FAP: variants seen among roughly 807,000 people sequenced by gnomAD.
The protein encoded by FAP is prolyl endopeptidase FAP.
Under a neutral mutation model 126.5 loss-of-function variants are expected in FAP, and 110 were observed. The observed-to-expected ratio is 0.87, with a 90% CI of 0.74 to 1.02. The LOEUF (loss-of-function observed/expected upper bound fraction) is 1.02, where lower values mean the gene tolerates loss of function less well. Among genes scored for constraint, FAP ranks in the 50% least tolerant of loss-of-function variants. The probability of loss-of-function intolerance (pLI) is 0.00; values close to 1 mark genes in which losing one functional copy is unlikely to be tolerated. For synonymous variants in FAP, 334 were observed against 297.3 expected, an observed-to-expected ratio of 1.12 and a Z score of -1.27; for missense variants, 919 against 909.2, an observed-to-expected ratio of 1.01 and a Z score of -0.14.
intron 12 of FAP, among the ~76,000 whole-genome samples, chr2:162,203,980 A>G (rs1436345087): frequency 1.3e-5 from 2 of 152,128 alleles, no homozygotes; most frequent in African/African-American, 4.8e-5. Context: ...TTTTTTCCCC[A>G]TTGGTCATTG....
intron 5 of FAP, 86 bp downstream of exon 5, chr2:162,224,380 A>G (rs142444527): frequency 2.7e-6 from 2 of 754,160 alleles, no homozygotes; most frequent in East Asian, 2.6e-5. Flanking sequence ...ATAAAGACAG[A>G]CTCTTGCTTT....
intron 21 of FAP, 118 bp from the exon 22 acceptor site, chr2:162,175,084 G>A (rs372081937): frequency 1.5e-6 from 1 of 656,932 alleles, no homozygotes; most frequent in East Asian, 2.9e-5. Flanking sequence ...ATGGCTAAGG[G>A]TGGATTACAT....
At position 162,173,175 on chromosome 2, in the gene FAP, T is replaced by C; in HGVS notation, c.2081A>G (p.Tyr694Cys). 1 of 1,613,166 alleles carries C rather than the reference T, an allele frequency of 6.2e-7. No homozygotes were observed. The highest frequency in any genetic ancestry group is 8.5e-7 in the Non-Finnish European group (1 of 1,179,282). The change falls in exon 24 of 26, where the codon TAT (tyrosine) becomes TGT (cysteine). Residue 694 changes from tyrosine (Y) to cysteine (C), a missense_variant. By Grantham distance (194) the Tyr-to-Cys change is radical. Coordinates refer to ENST00000188790, the MANE Select transcript of FAP (RefSeq NM_004460.5). ...ARAEYFRNVDYLLIHGTADDN... is the reference protein window; with the variant it reads ...ARAEYFRNVDCLLIHGTADDN... ...ATCTGCTGTTCCGTGGATGAGAAGATAGTCTACATTTCTGAAATATTCTGC... is the reference window on the plus strand; with the variant it reads ...ATCTGCTGTTCCGTGGATGAGAAGACAGTCTACATTTCTGAAATATTCTGC...
intron 23 of FAP, 114 bp from the exon 24 acceptor site, chr2:162,173,335 T>C (rs547446325): frequency 4.0e-6 from 3 of 752,096 alleles, no homozygotes; most frequent in Non-Finnish European, 4.7e-6. Flanking sequence ...TTGCTTTGCT[T>C]GATAAATATT....
At chr2:162,173,608 AGAT>A (rs1236552305) in intron 23 of FAP, 112 bp downstream of exon 23, 3 of 741,696 alleles carry the variant, frequency 4.0e-6, no homozygotes, top group Non-Finnish European at 7.1e-6. Flanking sequence ...AATTAACAAA[AGAT>A]GATATTTGCT....
chr2:162,215,249 G>T (rs911414774), intron 10 of FAP, among the ~76,000 whole-genome samples: 1 of 152,154 alleles, frequency 6.6e-6, no homozygotes, highest in Non-Finnish European at 1.5e-5. Flanking sequence ...AGATTGGCCC[G>T]CTAGGCATGG....
At chr2:162,185,071 C>A (rs913031855) in intron 20 of FAP, among the ~76,000 whole-genome samples, 2 of 152,116 alleles carry the variant, frequency 1.3e-5, no homozygotes, top group African/African-American at 4.8e-5. Context: ...ACTTCCAGAC[C>A]AACGAGGCAC....
At chr2:162,185,250 A>G (rs373709925) in intron 20 of FAP, among the ~76,000 whole-genome samples, 26 of 152,220 alleles carry the variant, frequency 1.7e-4, no homozygotes, top group African/African-American at 5.8e-4. Context: ...GCCCAAGGCC[A>G]AGGTAAACTT....
At chr2:162,228,615 T>C (rs1689760649) in intron 2 of FAP, among the ~76,000 whole-genome samples, 1 of 152,182 alleles carries the variant, frequency 6.6e-6, no homozygotes, top group Admixed American at 6.5e-5. Context: ...TGTTATTCTA[T>C]TTTTTAAATA....
intron 2 of FAP, among the ~76,000 whole-genome samples, chr2:162,231,129 G>T (rs1335917845): frequency 1.3e-5 from 2 of 152,160 alleles, no homozygotes; most frequent in Non-Finnish European, 2.9e-5. Context: ...AAGGCAAGGG[G>T]ACTGATTCTA....
At chr2:162,188,451 C>A in intron 19 of FAP, 88 bp from the exon 20 acceptor site, 1 of 1,097,590 alleles carries the variant, frequency 9.1e-7, no homozygotes, top group Non-Finnish European at 1.3e-6. Flanking sequence ...TCTAGTAATT[C>A]CAGTACAATT....
intron 2 of FAP, among the ~76,000 whole-genome samples, chr2:162,232,741 T>C (rs1271303979): frequency 6.6e-6 from 1 of 152,232 alleles, no homozygotes; most frequent in African/African-American, 2.4e-5. Flanking sequence ...TGTTATTTTA[T>C]TGTTATGTTA....
intron 22 of FAP, 77 bp downstream of exon 22, chr2:162,174,790 A>AT: frequency 9.7e-7 from 1 of 1,029,132 alleles, no homozygotes; most frequent in Non-Finnish European, 1.5e-6. Flanking sequence ...TGCATAATCC[A>AT]TTTTTCTAGC....
chr2:162,172,943 A>G, intron 24 of FAP, 59 bp from the exon 25 acceptor site: 1 of 1,361,966 alleles, frequency 7.3e-7, no homozygotes, highest in Non-Finnish European at 1.1e-6. Context: ...ATAGAGTGAC[A>G]ATGTACTGCC....
chr2:162,203,507 C>T (rs1688579053), intron 12 of FAP, among the ~76,000 whole-genome samples: 1 of 152,278 alleles, frequency 6.6e-6, no homozygotes, highest in East Asian at 1.9e-4. Flanking sequence ...GGTATTTGAC[C>T]AAAGTCTGAT....
chr2:162,219,049 G>T lies in FAP; in HGVS notation c.607+14C>A, dbSNP rs1445758240. On this transcript the variant is annotated intron_variant, in intron 8 of 25. Transcript: ENST00000188790. ...AGCCTAAAGCATTAGCAGTAGAAAA[G>T]GAATACAGCTTACCTTCATAAACCC... 1 of 1,580,668 alleles carries T rather than the reference G, an allele frequency of 6.3e-7. No homozygotes were observed. The highest frequency in any genetic ancestry group is 8.6e-7 in the Non-Finnish European group (1 of 1,164,840).
At chr2:162,213,887 A>G in intron 11 of FAP, 51 bp downstream of exon 11, 2 of 1,581,942 alleles carry the variant, frequency 1.3e-6, no homozygotes, top group East Asian at 2.3e-5. Context: ...AGTCCCCACT[A>G]TTGTGCCTTG....
intron 25 of FAP, chr2:162,172,477 A>G (rs1687344799): frequency 4.7e-6 from 1 of 213,096 alleles, no homozygotes; most frequent in African/African-American, 2.3e-5. Flanking sequence ...CTGTTTAAGG[A>G]TGCTCAGGTT....
intron 2 of FAP, among the ~76,000 whole-genome samples, chr2:162,237,142 A>G (rs1019137755): frequency 6.6e-6 from 1 of 152,224 alleles, no homozygotes; most frequent in African/African-American, 2.4e-5. Flanking sequence ...TCTCTATACA[A>G]TGAGAAATAA....
Sources: allele counts gnomAD v4.1 joint callset (sites outside exome capture counted in the v4.1 genomes callset), GRCh38; gene constraint gnomAD v4.1.1; transcripts MANE v1.5; gene names NCBI Gene and HGNC (gene_info 2026-07-23, HGNC 2026-07-21).